Variants in BCAS3 observed in about 807,000 individuals in gnomAD.
BCAS3 encodes the protein BCAS4/BCAS3 fusion.
A neutral mutation model predicts 116.1 loss-of-function variants in BCAS3; 53 were observed. That is an observed-to-expected ratio of 0.46 (90% CI 0.37 to 0.57). The LOEUF (loss-of-function observed/expected upper bound fraction) is 0.57, where lower values mean the gene tolerates loss of function less well. Ranked by LOEUF, BCAS3 falls within the 20% of genes least tolerant of loss-of-function variation. The probability of loss-of-function intolerance (pLI) is 0.00; values close to 1 mark genes in which losing one functional copy is unlikely to be tolerated. For missense variants in BCAS3, 917 were observed against 1,165.4 expected, an observed-to-expected ratio of 0.79 and a Z score of 3.10; for synonymous variants, 391 against 408.2, an observed-to-expected ratio of 0.96 and a Z score of 0.51.
At chr17:61,236,575 C>T (rs1429148567) in intron 22 of BCAS3, among the ~76,000 whole-genome samples, 1 of 152,202 alleles carries the variant, frequency 6.6e-6, no homozygotes, top group Admixed American at 6.5e-5. Context: ...CCGCCTCGGC[C>T]TCCCAAAGTG....
intron 22 of BCAS3, among the ~76,000 whole-genome samples, chr17:61,266,832 T>A (rs1012164311): frequency 1.3e-5 from 2 of 152,174 alleles, no homozygotes; most frequent in Non-Finnish European, 2.9e-5. Context: ...GTTGCAAATG[T>A]CTCCACCATT....
intron 7 of BCAS3, among the ~76,000 whole-genome samples, chr17:60,856,632 A>T (rs934379351): frequency 2.0e-5 from 3 of 152,160 alleles, no homozygotes; most frequent in African/African-American, 7.2e-5. Flanking sequence ...CAGAGGTAGC[A>T]GTGAGCCAAG....
intron 22 of BCAS3, among the ~76,000 whole-genome samples, chr17:61,308,085 G>C (rs192899249): frequency 6.6e-6 from 1 of 152,326 alleles, no homozygotes; most frequent in Non-Finnish European, 1.5e-5. Flanking sequence ...ATTCGGGTCA[G>C]AAACTAGACC....
rs1008641422 is a variant in BCAS3, at chr17:61,388,026, G to A, written c.2594-3951G>A. ...GAATCTCCACACCTCTAAGGGGGGAGGTGGCTGGGGACACTTCCCTCATTT... is the reference window on the plus strand; with the variant it reads ...GAATCTCCACACCTCTAAGGGGGGAAGTGGCTGGGGACACTTCCCTCATTT... On this transcript the variant is annotated intron_variant, in intron 23 of 23. Transcript: ENST00000407086. This position sits in a 1 kb window ranked among gnomAD's most constrained non-coding sequence, Gnocchi z 6.5. Among the ~76,000 whole-genome samples, 1 of 152,128 alleles carries A rather than the reference G, an allele frequency of 6.6e-6. No homozygotes were observed. Among genetic ancestry groups the A allele is most frequent in the Non-Finnish European group, 1.5e-5 (1 of 68,026 alleles).
intron 18 of BCAS3, among the ~76,000 whole-genome samples, chr17:61,040,052 T>C (rs963278322): frequency 6.6e-6 from 1 of 152,142 alleles, no homozygotes; most frequent in Non-Finnish European, 1.5e-5. Context: ...AAAAAAAACC[T>C]GGAATAAAAC....
chr17:61,003,129 T>G (rs559643625), intron 15 of BCAS3, among the ~76,000 whole-genome samples: 1 of 152,114 alleles, frequency 6.6e-6, no homozygotes, highest in East Asian at 1.9e-4. Flanking sequence ...ACTTGAATAA[T>G]GTATCTTCTA....
At chr17:60,929,693 A>G (rs1038888945) in intron 13 of BCAS3, among the ~76,000 whole-genome samples, 5 of 145,410 alleles carry the variant, frequency 3.4e-5, no homozygotes, top group Non-Finnish European at 6.1e-5. Flanking sequence ...AGCATTAGGT[A>G]TATCTCCTAA....
intron 14 of BCAS3, among the ~76,000 whole-genome samples, chr17:60,978,036 C>A (rs984864194): frequency 1.8e-4 from 24 of 135,518 alleles, no homozygotes; most frequent in Admixed American, 3.5e-4. Flanking sequence ...ATGGCTGGGT[C>A]AAATGGTATT....
rs543149687 is a variant in BCAS3, at chr17:61,352,978, A to G, written c.2426-15349A>G. Among the ~76,000 whole-genome samples the G allele has an allele frequency of 3.9e-5, 6 of 152,258 alleles. No individual in the cohort carries two copies. Among genetic ancestry groups the G allele is most frequent in the African/African-American group, 1.4e-4 (6 of 41,552 alleles). On this transcript the variant is annotated intron_variant, in intron 22 of 23. Transcript: ENST00000407086. This position sits in a 1 kb window ranked among gnomAD's most constrained non-coding sequence, Gnocchi z 4.7. The stretch of plus-strand genomic sequence containing the variant: ...TGTTAATGCCTAACACAAGGCTGGG[A>G]CTGCAGGGAGAGGCCAAGGGACTGG...
rs2143289893 is a variant in BCAS3, at chr17:61,346,273, C to A, written c.2426-22054C>A. Among the ~76,000 whole-genome samples the A allele has an allele frequency of 6.6e-6, 1 of 152,304 alleles. No individual in the cohort carries two copies. The highest frequency in any genetic ancestry group is 2.1e-4 in the South Asian group (1 of 4,826). ...TCATCCACAAAGAGCATTTGTATTC[C>A]TTTGGAGAAGAAGTACTTCCTTTTA... is the stretch of plus-strand genomic sequence containing the variant. On this transcript the variant is annotated intron_variant, in intron 22 of 23. Coordinates refer to ENST00000407086, the MANE Select transcript of BCAS3 (RefSeq NM_017679.5). The surrounding 1 kb of genome is among the most constrained non-coding windows in gnomAD (Gnocchi z 5.4).
intron 22 of BCAS3, among the ~76,000 whole-genome samples, chr17:61,267,215 G>A (rs945669679): frequency 1.4e-5 from 2 of 147,320 alleles, no homozygotes; most frequent in Non-Finnish European, 3.0e-5. Context: ...CTGCCACCAT[G>A]CCCAGCTAAT....
chr17:61,045,884 TTA>T (rs1219846216), intron 19 of BCAS3, among the ~76,000 whole-genome samples: 7 of 42,354 alleles, frequency 1.7e-4, no homozygotes, highest in East Asian at 6.2e-4. Flanking sequence ...TAAATATATA[TTA>T]TATATATAAT....
At chr17:60,946,139 A>G (rs759801344) in intron 13 of BCAS3, among the ~76,000 whole-genome samples, 31 of 152,148 alleles carry the variant, frequency 2.0e-4, no homozygotes, top group Non-Finnish European at 7.4e-5. Context: ...GGCCTACACA[A>G]ATAGCCAATT....
chr17:60,766,771 G>A (rs1014179147), intron 6 of BCAS3, among the ~76,000 whole-genome samples: 1 of 152,228 alleles, frequency 6.6e-6, no homozygotes, highest in African/African-American at 2.4e-5. Flanking sequence ...AGTTTCTGCT[G>A]CCTTTTGTTC....
chr17:60,687,094 A>G (rs979046823), intron 3 of BCAS3, among the ~76,000 whole-genome samples: 1 of 152,252 alleles, frequency 6.6e-6, no homozygotes, highest in Non-Finnish European at 1.5e-5. Context: ...TAGCTATGTT[A>G]TATAAAATTC....
chr17:60,845,938 T>G (rs527735971), intron 7 of BCAS3, among the ~76,000 whole-genome samples: 7 of 151,848 alleles, frequency 4.6e-5, no homozygotes, highest in Admixed American at 4.6e-4. Context: ...GGCTAATTTT[T>G]TTTTTTTTGA....
chr17:60,727,272 A>C (rs1598330442), intron 5 of BCAS3: 1 of 1,088,058 alleles, frequency 9.2e-7, no homozygotes, highest in East Asian at 2.4e-5. Flanking sequence ...GGCTCAACAC[A>C]TTCTGGCCTT....
intron 5 of BCAS3, among the ~76,000 whole-genome samples, chr17:60,732,598 T>C (rs1025853760): frequency 6.6e-6 from 1 of 152,100 alleles, no homozygotes; most frequent in African/African-American, 2.4e-5. Flanking sequence ...CCCAGCACTT[T>C]GGGAGGCTGA....
chr17:61,361,676 TAAG>T lies in BCAS3; in HGVS notation c.2426-6646_2426-6644del, dbSNP rs981338664. 3 of 152,140 alleles carry T rather than the reference TAAG, an allele frequency of 2.0e-5. No individual in the cohort carries two copies. Among genetic ancestry groups the T allele is most frequent in the Admixed American group, 6.5e-5 (1 of 15,272 alleles). The allele number at this position is 152,140 out of a possible 1,614,324, so 9.4% of individuals were successfully genotyped here. ...AGATATCTCCAGAGATGCATAGATA[TAAG>T]AAGATTTATTTTGGGAATTGGAAAT... On this transcript the variant is annotated intron_variant, in intron 22 of 23. Coordinates refer to ENST00000407086, the MANE Select transcript of BCAS3 (RefSeq NM_017679.5). This position sits in a 1 kb window ranked among gnomAD's most constrained non-coding sequence, Gnocchi z 6.5.
Sources: gnomAD v4.1 joint callset for allele counts (sites outside exome capture counted in the v4.1 genomes callset) on GRCh38, gnomAD v4.1.1 for gene constraint, Gnocchi (gnomAD v3.1) non-coding constraint, MANE v1.5 for transcripts, NCBI Gene and HGNC (gene_info 2026-07-23, HGNC 2026-07-21) for gene names.